The following SLC24A2 variants were observed in gnomAD, a reference collection of about 807,000 sequenced individuals.
The protein encoded by SLC24A2 is solute carrier family 24 member 2, also known as sodium/potassium/calcium exchanger 2.
A neutral mutation model predicts 62.0 loss-of-function variants in SLC24A2; 36 were observed. The ratio of observed to expected loss-of-function variants is 0.58; its 90% CI spans 0.44 to 0.77. The LOEUF (loss-of-function observed/expected upper bound fraction) is 0.77. SLC24A2 is among the 30% of genes least tolerant of loss of function. The pLI is 0.00. For missense variants in SLC24A2, 846 were observed against 817.9 expected (o/e 1.03, Z -0.42); for synonymous variants, 358 against 294.0 (o/e 1.22, Z -2.23).
intron 2 of SLC24A2, among the ~76,000 whole-genome samples, chr9:19,636,176 G>A (rs1183125240): frequency 6.6e-6 from 1 of 152,090 alleles, no homozygotes; most frequent in Admixed American, 6.6e-5. Flanking sequence ...GCTGACTGCT[G>A]TTTGGTATTG....
chr9:20,181,914 A>G, the SLC24A2 span, among the ~76,000 whole-genome samples: 1 of 152,260 alleles, frequency 6.6e-6, no homozygotes, highest in African/African-American at 2.4e-5. Flanking sequence ...TCCAGAATCT[A>G]CAATGAACTC....
chr9:19,859,449 T>C, the SLC24A2 span, among the ~76,000 whole-genome samples: 1 of 152,072 alleles, frequency 6.6e-6, no homozygotes, highest in South Asian at 2.1e-4. Flanking sequence ...CCCCAAGACA[T>C]GCAGTTTACC....
the SLC24A2 span, among the ~76,000 whole-genome samples, chr9:19,875,476 C>T: frequency 6.6e-6 from 1 of 152,156 alleles, no homozygotes; most frequent in African/African-American, 2.4e-5. Context: ...TACGGAGCCT[C>T]TTTGTTCATC....
the SLC24A2 span, among the ~76,000 whole-genome samples, chr9:20,149,174 C>T: frequency 1.3e-5 from 2 of 152,012 alleles, no homozygotes; most frequent in African/African-American, 4.8e-5. Flanking sequence ...TCTAGTCCAG[C>T]TTCCAACTGC....
At chr9:19,826,465 T>C in the SLC24A2 span, among the ~76,000 whole-genome samples, 1 of 152,146 alleles carries the variant, frequency 6.6e-6, no homozygotes. Flanking sequence ...CACAAAAAAA[T>C]ACCCAAGACT....
the SLC24A2 span, among the ~76,000 whole-genome samples, chr9:20,163,496 G>A: frequency 6.6e-6 from 1 of 152,104 alleles, no homozygotes; most frequent in Non-Finnish European, 1.5e-5. Flanking sequence ...ACAAAGAAAT[G>A]GAAGAACATT....
chr9:19,712,338 T>C (rs910750966), intron 2 of SLC24A2, among the ~76,000 whole-genome samples: 1 of 152,236 alleles, frequency 6.6e-6, no homozygotes, highest in African/African-American at 2.4e-5. Flanking sequence ...AGTGAAATGA[T>C]CTTTGCAACC....
intron 7 of SLC24A2, among the ~76,000 whole-genome samples, chr9:19,563,821 CCTT>C (rs1835529852): frequency 1.0e-5 from 1 of 97,924 alleles, no homozygotes; most frequent in African/African-American, 4.4e-5. Flanking sequence ...TTCCTTCCTT[CCTT>C]CCTCCCTCCC....
In SLC24A2 at chr9:19,676,035, CA is replaced by C. The variant is rs1228149712; in HGVS notation, c.931-53737del. ...ATGGCTTCCCTGGGGACCAAGAGCC[CA>C]TAGGGCTCTTCCCACTGCTACTTCT... On this transcript the variant is annotated intron_variant, in intron 2 of 10. Coordinates refer to ENST00000341998, the MANE Select transcript of SLC24A2 (RefSeq NM_020344.4). Among the ~76,000 whole-genome samples the C allele has an allele frequency of 5.9e-5, 9 of 152,294 alleles. No individual in the cohort carries two copies. In the South Asian group the frequency reaches 8.3e-4, roughly 14 times the overall value.
chr9:19,680,429 AAGGAAGCAGACCACAGGGAG>A, intron 2 of SLC24A2, among the ~76,000 whole-genome samples: 1 of 152,086 alleles, frequency 6.6e-6, no homozygotes, highest in Non-Finnish European at 1.5e-5. Flanking sequence ...GATGAAAATG[AAGGAAGCAGACCACAGGGAG>A]GTTTGGGTCT....
chr9:19,894,265 T>G, the SLC24A2 span, among the ~76,000 whole-genome samples: 7 of 152,108 alleles, frequency 4.6e-5, no homozygotes, highest in Admixed American at 2.0e-4. Flanking sequence ...GGAGGCAGAG[T>G]GCCAAAGATA....
At position 19,529,132 on chromosome 9, in the gene SLC24A2, C is replaced by T. The variant is rs1833574332; in HGVS notation, c.1480-994G>A. On this transcript the variant is annotated intron_variant, in intron 8 of 10. Coordinates refer to ENST00000341998, the MANE Select transcript of SLC24A2 (RefSeq NM_020344.4). ...GCCTCTTGCCTATTATTGCCAAACA[C>T]TTTATTTGAAAGCTTTCCACGTTGA... Among the ~76,000 whole-genome samples the T allele has an allele frequency of 2.6e-5, 4 of 152,252 alleles. No individual in the cohort carries two copies. In the South Asian group the frequency reaches 8.3e-4, roughly 32 times the overall value.
chr9:19,602,790 G>T (rs1343360373), intron 4 of SLC24A2, among the ~76,000 whole-genome samples: 3 of 152,096 alleles, frequency 2.0e-5, no homozygotes, highest in Non-Finnish European at 2.9e-5. Context: ...CTGTAATATG[G>T]TTATAATAAA....
At chr9:19,964,880 A>T in the SLC24A2 span, among the ~76,000 whole-genome samples, 3 of 152,168 alleles carry the variant, frequency 2.0e-5, no homozygotes, top group Admixed American at 2.0e-4. Context: ...CTTCTGAAGG[A>T]TACTCTCATC....
At position 19,552,375 on chromosome 9, in the gene SLC24A2, GT is replaced by G. The variant is rs1834887621; in HGVS notation, c.1348-2108del. Among the ~76,000 whole-genome samples the G allele has an allele frequency of 2.6e-5, 4 of 152,206 alleles. No homozygotes were observed. In the South Asian group the frequency reaches 8.3e-4, roughly 31 times the overall value. ...AGGAGACAGGTATATTTTCCTGTCT[GT>G]TCCCTCCCAGATATGATCCTTCTTG... On this transcript the variant is annotated intron_variant, in intron 7 of 10. Coordinates refer to ENST00000341998, the MANE Select transcript of SLC24A2 (RefSeq NM_020344.4).
intron 4 of SLC24A2, among the ~76,000 whole-genome samples, chr9:19,617,052 C>T (rs535860785): frequency 1.3e-5 from 2 of 152,232 alleles, no homozygotes; most frequent in Non-Finnish European, 2.9e-5. Context: ...TGTAGACCAG[C>T]GGTCCCCAAG....
intron 5 of SLC24A2, among the ~76,000 whole-genome samples, chr9:19,579,808 T>C (rs923778297): frequency 1.3e-5 from 2 of 152,106 alleles, no homozygotes; most frequent in African/African-American, 4.8e-5. Context: ...AGAGTTTAGG[T>C]GTGTGCCAGA....
the SLC24A2 span, among the ~76,000 whole-genome samples, chr9:20,243,747 G>C: frequency 6.6e-6 from 1 of 152,020 alleles, no homozygotes; most frequent in East Asian, 1.9e-4. Context: ...GTGGTCAATG[G>C]GGGTGATGCC....
the SLC24A2 span, among the ~76,000 whole-genome samples, chr9:20,026,102 T>C: frequency 4.6e-5 from 7 of 152,140 alleles, no homozygotes; most frequent in Non-Finnish European, 8.8e-5. Flanking sequence ...ACCTCAGCAA[T>C]AGGATGGGGA....
Sources: gnomAD v4.1 joint callset for allele counts (sites outside exome capture counted in the v4.1 genomes callset) on GRCh38, gnomAD v4.1.1 for gene constraint, MANE v1.5 for transcripts, NCBI Gene and HGNC (gene_info 2026-07-23, HGNC 2026-07-21) for gene names.